TM9SF3: variants seen among roughly 807,000 people sequenced by gnomAD.
TM9SF3 encodes the protein transmembrane 9 superfamily member 3.
Under a neutral mutation model 78.6 loss-of-function variants are expected in TM9SF3, and 14 were observed. That is an observed-to-expected ratio of 0.18 (90% CI 0.12 to 0.28). The LOEUF (loss-of-function observed/expected upper bound fraction) is 0.28, where lower values mean the gene tolerates loss of function less well. TM9SF3 is among the 10% of genes least tolerant of loss of function. The pLI is 1.00. For synonymous variants in TM9SF3, 231 were observed against 241.7 expected, an observed-to-expected ratio of 0.96 and a Z score of 0.41; for missense variants, 496 against 721.9, an observed-to-expected ratio of 0.69 and a Z score of 3.59.
At chr10:96,555,894 C>T (rs1564934658) in intron 5 of TM9SF3, among the ~76,000 whole-genome samples, 1 of 151,970 alleles carries the variant, frequency 6.6e-6, no homozygotes, top group Non-Finnish European at 1.5e-5. Flanking sequence ...TGACACATAC[C>T]ATCTTTTAGT....
chr10:96,562,668 G>T (rs1323779588), intron 3 of TM9SF3, among the ~76,000 whole-genome samples: 1 of 152,134 alleles, frequency 6.6e-6, no homozygotes, highest in Non-Finnish European at 1.5e-5. Context: ...TCAACTGCTG[G>T]ATCTGTCCCT....
At chr10:96,545,611 C>T (rs1046110809) in intron 8 of TM9SF3, among the ~76,000 whole-genome samples, 25 of 152,124 alleles carry the variant, frequency 1.6e-4, no homozygotes, top group Admixed American at 1.0e-3. Flanking sequence ...AAACTGTGGC[C>T]GGGCGTGGTG....
intron 3 of TM9SF3, among the ~76,000 whole-genome samples, chr10:96,562,946 G>C (rs761529937): frequency 6.6e-6 from 1 of 152,112 alleles, no homozygotes. Flanking sequence ...GCTTTAGTAA[G>C]TATTAGGGAA....
intron 1 of TM9SF3, 95 bp downstream of exon 1, chr10:96,586,626 GCAGTGGGGCACCA>G: frequency 1.1e-6 from 1 of 933,570 alleles, no homozygotes. Context: ...TCCTCGGGCC[GCAGTGGGGCACCA>G]CCGGGCCGCC....
intron 4 of TM9SF3, chr10:96,560,130 G>T: frequency 4.2e-6 from 3 of 709,748 alleles, no homozygotes; most frequent in Non-Finnish European, 7.7e-6. Flanking sequence ...CTCTTGAGCA[G>T]AAGTCATTTA....
chr10:96,521,849 A>G lies in TM9SF3; in HGVS notation c.*414T>C, dbSNP rs1160450954. 1 of 156,278 alleles carries G rather than the reference A, an allele frequency of 6.4e-6. No homozygotes were observed. The highest frequency in any genetic ancestry group is 1.4e-5 in the Non-Finnish European group (1 of 70,582). 9.7% of individuals were successfully genotyped at this position (156,278 alleles called of 1,614,324 possible). Reference sequence around the variant, plus strand: ...TTCTGGAACATCATTTTTCAATAACATAGAAACACTAAGTGCCAGGAAGAT... The same window carrying G: ...TTCTGGAACATCATTTTTCAATAACGTAGAAACACTAAGTGCCAGGAAGAT... On this transcript the variant is annotated 3_prime_UTR_variant, in exon 15 of 15. Transcript: ENST00000371142.
intron 5 of TM9SF3, among the ~76,000 whole-genome samples, chr10:96,555,298 T>C (rs1395218266): frequency 6.6e-6 from 1 of 152,196 alleles, no homozygotes; most frequent in Non-Finnish European, 1.5e-5. Flanking sequence ...AAGCACAGCA[T>C]ACTCACTTCC....
chr10:96,530,566 T>C lies in TM9SF3; in HGVS notation c.1368A>G (p.Leu456=), dbSNP rs375523010. 2 of 1,612,490 alleles carry C rather than the reference T, an allele frequency of 1.2e-6. No homozygotes were observed. Among genetic ancestry groups the C allele is most frequent in the Non-Finnish European group, 1.7e-6 (2 of 1,179,210 alleles). Residue 456 remains leucine, a synonymous_variant, in exon 11 of 15, where the codon TTA becomes TTG. Transcript: ENST00000371142. ...TTTCAATAAAGATTGAACCAAAAGG[T>C]AAAATTCCACCCAGGCAAACAATAA... is the stretch of plus-strand genomic sequence containing the variant. ...PAVIVCLGGI[L]PFGSIFIEMY...
rs1015988357 is a variant in TM9SF3 at position 96,518,535 on chromosome 10, C to CA, written c.*3727dup. Reference sequence around the variant, plus strand: ...TAGCAAGCCTAGTTCACCAATACTTCAAAATAAACAGACTTCACAAGTTTA... The same window carrying CA: ...TAGCAAGCCTAGTTCACCAATACTTCAAAAATAAACAGACTTCACAAGTTTA... On this transcript the variant is annotated 3_prime_UTR_variant, in exon 15 of 15. Transcript: ENST00000371142. 4 of 152,290 alleles carry CA rather than the reference C, an allele frequency of 2.6e-5. No homozygotes were observed. The highest frequency in any genetic ancestry group is 9.6e-5 in the African/African-American group (4 of 41,570). 9.4% of individuals were successfully genotyped at this position (152,290 alleles called of 1,614,324 possible). A position where few individuals can be genotyped will look rare whatever the true frequency, so the allele number is the denominator to read the frequency against.
intron 4 of TM9SF3, among the ~76,000 whole-genome samples, chr10:96,561,456 TTC>T (rs977207271): frequency 6.6e-6 from 1 of 152,140 alleles, no homozygotes; most frequent in Non-Finnish European, 1.5e-5. Context: ...TACACTGAAT[TTC>T]TCTCTCATTT....
chr10:96,530,447 T>C (rs1206906508), intron 11 of TM9SF3, 93 bp downstream of exon 11: 9 of 989,450 alleles, frequency 9.1e-6, no homozygotes, highest in Non-Finnish European at 1.4e-5. Context: ...TATTAGATGT[T>C]CTCCCAACTG....
intron 1 of TM9SF3, among the ~76,000 whole-genome samples, chr10:96,581,307 C>G (rs1848566766): frequency 6.6e-6 from 1 of 152,096 alleles, no homozygotes; most frequent in Non-Finnish European, 1.5e-5. Context: ...CATGTGAAAT[C>G]TGAATAAGAA....
At chr10:96,564,104 G>A (rs1252333238) in intron 3 of TM9SF3, among the ~76,000 whole-genome samples, 3 of 145,708 alleles carry the variant, frequency 2.1e-5, no homozygotes, top group Non-Finnish European at 3.0e-5. Flanking sequence ...AATAAAGCAA[G>A]ACATCTTGTC....
At chr10:96,556,129 ACTT>A (rs1162021463) in intron 5 of TM9SF3, among the ~76,000 whole-genome samples, 1 of 152,212 alleles carries the variant, frequency 6.6e-6, no homozygotes, top group Non-Finnish European at 1.5e-5. Flanking sequence ...CAGGGAAAAT[ACTT>A]CTTAAAAATA....
intron 3 of TM9SF3, 77 bp from the exon 4 acceptor site, chr10:96,562,215 A>ACT: frequency 1.0e-6 from 1 of 953,030 alleles, no homozygotes; most frequent in Non-Finnish European, 1.5e-6. Flanking sequence ...ATGCTCATTA[A>ACT]GTTTTTTTTT....
Position 96,586,769 on chromosome 10 carries a change from G to A in TM9SF3, c.67C>T (p.Leu23=). ...TGCTCGTCCGCCCGGGTCCGGGGCA[G>A]CAGCAGCAGCAGCAGCCACAGCGCG... ...AAALWLLLLL[L]PRTRADEHEH... is the part of the protein sequence containing the mutation. Residue 23 remains leucine (L), a synonymous_variant, in exon 1 of 15, where the codon CTG becomes TTG. Coordinates refer to ENST00000371142, the MANE Select transcript of TM9SF3 (RefSeq NM_020123.4). 1 of 1,285,606 alleles carries A rather than the reference G, an allele frequency of 7.8e-7. No individual in the cohort carries two copies. The highest frequency in any genetic ancestry group is 9.8e-7 in the Non-Finnish European group (1 of 1,015,496). The allele number at this position is 1,285,606 out of a possible 1,614,324, so 79.6% of individuals were successfully genotyped here. A position where few individuals can be genotyped will look rare whatever the true frequency, so the allele number is the denominator to read the frequency against.
Position 96,527,266 on chromosome 10 carries a change from G to A in TM9SF3, c.1649C>T (p.Ser550Leu), listed in dbSNP as rs1410406105. The part of the protein sequence containing the change: ...KTKMYGLFQT[S>L]FYFGYMAVFS... The stretch of plus-strand genomic sequence containing the variant: ...TACCGCCATATATCCAAAGTAAAAT[G>A]ATGTTTGAAATAAGCCATACATCCT... The change falls in exon 14 of 15, where the codon TCA (serine) becomes TTA (leucine). Residue 550 changes from serine (S) to leucine (L), a missense_variant. By Grantham distance (145) the Ser-to-Leu change is moderately radical (BLOSUM62 -2). This residue lies in a region of TM9SF3 where 280 missense variants were observed against 422.6 expected (regional missense o/e 0.66). Transcript: ENST00000371142. 1 of 1,611,704 alleles carries A rather than the reference G, an allele frequency of 6.2e-7. No homozygotes were observed. The highest frequency in any genetic ancestry group is 8.5e-7 in the Non-Finnish European group (1 of 1,178,730).
chr10:96,582,505 G>A (rs1848581708), intron 1 of TM9SF3, among the ~76,000 whole-genome samples: 1 of 152,136 alleles, frequency 6.6e-6, no homozygotes, highest in Admixed American at 6.5e-5. Context: ...CAAGTGCTTT[G>A]AGTTTTAGAA....
chr10:96,567,638 C>T (rs930236547), intron 2 of TM9SF3, among the ~76,000 whole-genome samples: 3 of 152,162 alleles, frequency 2.0e-5, no homozygotes, highest in Non-Finnish European at 2.9e-5. Context: ...CTTCTTATAC[C>T]CACTCCCATA....
Sources: allele counts gnomAD v4.1 joint callset (sites outside exome capture counted in the v4.1 genomes callset), GRCh38; gene constraint gnomAD v4.1.1; regional missense constraint gnomAD v4.1.1; transcripts MANE v1.5; gene names NCBI Gene and HGNC (gene_info 2026-07-23, HGNC 2026-07-21).